PARP4: variants seen among roughly 807,000 people sequenced by gnomAD.
PARP4 encodes the protein poly(ADP-ribose) polymerase family member 4, also known as protein mono-ADP-ribosyltransferase PARP4.
PARP4 carries 120 observed loss-of-function variants against 187.7 expected under a neutral mutation model. The ratio of observed to expected loss-of-function variants is 0.64; its 90% CI spans 0.55 to 0.74. PARP4 has a LOEUF of 0.74. Among genes scored for constraint, PARP4 ranks in the 30% least tolerant of loss-of-function variants. The pLI is 0.00. For synonymous variants in PARP4, 654 were observed against 740.9 expected (o/e 0.88, Z 1.90); for missense variants, 1,836 against 2,070.5 (o/e 0.89, Z 2.20).
chr13:24,490,704 A>G lies in PARP4; in HGVS notation c.1178T>C (p.Leu393Pro). 1 of 1,613,964 alleles carries G rather than the reference A, an allele frequency of 6.2e-7. No homozygotes were observed. The highest frequency in any genetic ancestry group is 8.5e-7 in the Non-Finnish European group (1 of 1,179,888). Residue 393 changes from leucine (L) to proline (P), a missense_variant, in exon 10 of 34, where the codon CTC (leucine) becomes CCC (proline). Coordinates refer to ENST00000381989, the MANE Select transcript of PARP4 (RefSeq NM_006437.4). ...CTGCAAAACCTCTTTTCTAACCCTG[A>G]GAAATTCTTCAGTATTCTGTTCAAC... ...EHVEQNTEEF[L>P]RVRKEVLQNH...
At chr13:24,484,013 G>A (rs1873421023) in intron 12 of PARP4, among the ~76,000 whole-genome samples, 1 of 152,144 alleles carries the variant, frequency 6.6e-6, no homozygotes, top group East Asian at 1.9e-4. Context: ...TTATTGATTT[G>A]TAGGAACTCT....
chr13:24,485,016 T>TA (rs1873480198), intron 11 of PARP4, among the ~76,000 whole-genome samples: 1 of 152,222 alleles, frequency 6.6e-6, no homozygotes, highest in African/African-American at 2.4e-5. Flanking sequence ...CATCCCTACT[T>TA]AAAGATTATT....
At position 24,469,982 on chromosome 13, in the gene PARP4, A is replaced by G. The variant is rs779676274; in HGVS notation, c.1958T>C (p.Ile653Thr). 3.1e-6 allele frequency: 5 copies of G among 1,613,852 alleles called. No individual in the cohort carries two copies. The highest frequency in any genetic ancestry group is 4.5e-5 in the East Asian group (2 of 44,882). Residue 653 changes from isoleucine (I) to threonine (T), a missense_variant, in exon 16 of 34, where the codon ATT becomes ACT. By Grantham distance (89) the Ile-to-Thr change is moderately conservative. Coordinates refer to ENST00000381989, the MANE Select transcript of PARP4 (RefSeq NM_006437.4). ...QTYTNKSHVP[I>T]EAKYIFPLDD... is the part of the protein sequence containing the mutation. The stretch of plus-strand genomic sequence containing the variant: ...CAAAGGAAAGATATATTTTGCCTCA[A>G]TGGGCACGTGACTTTTATTTGTGTA...
chr13:24,449,026 C>T (rs566110307), intron 25 of PARP4, among the ~76,000 whole-genome samples: 63 of 152,174 alleles, frequency 4.1e-4, no homozygotes, highest in Non-Finnish European at 7.2e-4. Flanking sequence ...GCTGATGAAA[C>T]AGTTTGAAGA....
rs1306014184 is a variant in PARP4, at chr13:24,449,378, ACT to A, written c.3114+338_3114+339del. ...ACTCCAGCCTGGGCGACAGAGCAAG[ACT>A]CTGTCTCAAAAAAAAAAAAAAAAAA... On this transcript the variant is annotated intron_variant, in intron 25 of 33. Coordinates refer to ENST00000381989, the MANE Select transcript of PARP4 (RefSeq NM_006437.4). 7.4e-5 allele frequency among the ~76,000 whole-genome samples: 7 copies of A among 94,890 alleles called. No individual in the cohort carries two copies. In the South Asian group the frequency reaches 1.7e-3, roughly 23 times the overall value. 62.3% of individuals were successfully genotyped at this position (94,890 alleles called of 152,430 possible). A position where few individuals can be genotyped will look rare whatever the true frequency, so the allele number is the denominator to read the frequency against.
chr13:24,451,669 G>A (rs1047337867), intron 24 of PARP4, among the ~76,000 whole-genome samples: 5 of 152,134 alleles, frequency 3.3e-5, no homozygotes, highest in African/African-American at 9.7e-5. Flanking sequence ...ACTTGCTGAG[G>A]TGGTGGCCAC....
Position 24,440,359 on chromosome 13 carries a change from C to T in PARP4, c.3666+1487G>A, listed in dbSNP as rs369944719. Among the ~76,000 whole-genome samples the T allele has an allele frequency of 5.7e-5, 8 of 140,530 alleles. No individual in the cohort carries two copies. The East Asian group carries it at 8.4e-4, about 15-fold the overall frequency. The allele number at this position is 140,530 out of a possible 152,430, so 92.2% of individuals were successfully genotyped here. On this transcript the variant is annotated intron_variant, in intron 30 of 33. Coordinates refer to ENST00000381989, the MANE Select transcript of PARP4 (RefSeq NM_006437.4). ...GTTGCAGTGAATTGAGATCATGCCA[C>T]TGCACTCAACCCTGGGCGACAGAGC...
chr13:24,455,165 G>C lies in PARP4; in HGVS notation c.2610C>G (p.Asp870Glu). Residue 870 changes from aspartate (D) to glutamate (E), a missense_variant, in exon 22 of 34, where the codon GAC (aspartate) becomes GAG (glutamate). Physicochemically the swap from Asp to Glu is conservative, Grantham distance 45. This residue lies in a region of PARP4 where 1,147 missense variants were observed against 1,214.2 expected (regional missense o/e 0.94). Coordinates refer to ENST00000381989, the MANE Select transcript of PARP4 (RefSeq NM_006437.4). ...TAATCACTTCGCTCTCACTGGCTAG[G>C]TCAGGGAGGTCGACATCGAGATCGG... ...FQPDLDVDLP[D>E]LASESEVIIC... The C allele has an allele frequency of 6.2e-7, 1 of 1,603,442 alleles. No homozygotes were observed. Among genetic ancestry groups the C allele is most frequent in the Non-Finnish European group, 8.5e-7 (1 of 1,171,412 alleles).
rs1020105646 is a variant in PARP4, at chr13:24,434,832, G to A, written c.4309C>T (p.Leu1437Phe). The stretch of plus-strand genomic sequence containing the variant: ...GGGTCTGTAGGAAGAGAGAAATGAA[G>A]CTGGGGAGAATCCAGCTCAGGGAAG... The part of the protein sequence containing the change: ...GTFPELDSPQ[L>F]HFSLPTDPDP... The change falls in exon 31 of 34, where the codon CTT becomes TTT. Residue 1437 changes from leucine to phenylalanine, a missense_variant. Leu to Phe is a conservative substitution (Grantham distance 22). Around this residue, in one of 8 missense-constraint regions of PARP4, gnomAD observed 450 missense variants for 439.2 expected, o/e 1.02. Transcript: ENST00000381989. 2 of 1,611,658 alleles carry A rather than the reference G, an allele frequency of 1.2e-6. No homozygotes were observed. Among genetic ancestry groups the A allele is most frequent in the African/African-American group, 2.7e-5 (2 of 74,882 alleles).
intron 6 of PARP4, 96 bp from the exon 7 acceptor site, chr13:24,494,818 C>T (rs1290527967): frequency 4.0e-6 from 3 of 745,004 alleles, no homozygotes; most frequent in Non-Finnish European, 6.4e-6. Flanking sequence ...CATGAAGAAG[C>T]TTAGAAATTA....
chr13:24,442,230 G>C lies in PARP4; in HGVS notation c.3544-262C>G, dbSNP rs1870968315. Among the ~76,000 whole-genome samples the C allele has an allele frequency of 2.7e-5, 4 of 150,428 alleles. No individual in the cohort carries two copies. The South Asian group carries it at 8.4e-4, about 31-fold the overall frequency. Reference sequence around the variant, plus strand: ...CTTATGAAGGGGAAGGGCTCTCAGGGAACCCAGGCCTTTTCGGCCTTTTCT... The same window carrying C: ...CTTATGAAGGGGAAGGGCTCTCAGGCAACCCAGGCCTTTTCGGCCTTTTCT... On this transcript the variant is annotated intron_variant, in intron 29 of 33. Coordinates refer to ENST00000381989, the MANE Select transcript of PARP4 (RefSeq NM_006437.4).
At chr13:24,433,153 G>C (rs1187684388) in intron 31 of PARP4, among the ~76,000 whole-genome samples, 11 of 152,180 alleles carry the variant, frequency 7.2e-5, no homozygotes, top group African/African-American at 2.7e-4. Context: ...GCCTTCCTAG[G>C]CTCCTGTTCC....
rs141582361 is a variant in PARP4, at chr13:24,422,454, C to T, written c.4980-1140G>A. On this transcript the variant is annotated intron_variant, in intron 33 of 33. Coordinates refer to ENST00000381989, the MANE Select transcript of PARP4 (RefSeq NM_006437.4). ...ACAAAACTGGCTTTGAATATTTTTACTGATTGGCCTCTACACTTTTTGGTT... is the reference window on the plus strand; with the variant it reads ...ACAAAACTGGCTTTGAATATTTTTATTGATTGGCCTCTACACTTTTTGGTT... Among the ~76,000 whole-genome samples, 879 of 152,272 alleles carry T rather than the reference C, an allele frequency of 5.8e-3. 10 individuals carry two copies. The highest frequency in any genetic ancestry group is 0.02 in the African/African-American group (851 of 41,528).
Position 24,506,103 on chromosome 13 carries a change from G to A in PARP4, c.-1-2326C>T, listed in dbSNP as rs565681413. 1.2e-3 allele frequency among the ~76,000 whole-genome samples: 182 copies of A among 152,258 alleles called. 2 individuals carry two copies. Among genetic ancestry groups the A allele is most frequent in the African/African-American group, 4.1e-3 (171 of 41,542 alleles). On this transcript the variant is annotated intron_variant, in intron 1 of 33. Transcript: ENST00000381989. The stretch of plus-strand genomic sequence containing the variant: ...CAAAAACGAAGCTGCCTGGACCCTC[G>A]TGGTGAGTGCTACAGTTCTTAAAGG...
intron 17 of PARP4, among the ~76,000 whole-genome samples, chr13:24,461,494 G>A (rs886236672): frequency 7.9e-5 from 12 of 152,248 alleles, no homozygotes; most frequent in Admixed American, 6.5e-4. Context: ...TCCAAAGAGG[G>A]GACAGATGGG....
chr13:24,471,152 G>A (rs553602967), intron 15 of PARP4, among the ~76,000 whole-genome samples: 196 of 152,340 alleles, frequency 1.3e-3, no homozygotes, highest in Non-Finnish European at 2.5e-3. Context: ...CCCCTTGACT[G>A]TGCACGGAAC....
intron 32 of PARP4, among the ~76,000 whole-genome samples, chr13:24,430,645 T>C (rs3845193): frequency 0.94 from 142,052 of 151,608 alleles, 66,689 homozygotes; most frequent in East Asian, 0.99. Flanking sequence ...GGGAGCCAGA[T>C]CTTGTCTCAA....
rs114383024 is a variant in PARP4 at position 24,452,368 on chromosome 13, G to A, written c.3014+38C>T. The A allele has an allele frequency of 1.5e-3, 2,345 of 1,534,640 alleles. 34 individuals are homozygous for A. The African/African-American group carries it at 0.025, about 16-fold the overall frequency. The stretch of plus-strand genomic sequence containing the variant: ...TGCAGGGCAACAAGACGACCTCCCC[G>A]TGGGTCTGGACTATGTGACCAGCTC... On this transcript the variant is annotated intron_variant, in intron 24 of 33. Transcript: ENST00000381989.
rs528290817 is a variant in PARP4, at chr13:24,488,935, A to G, written c.1214+1733T>C. ...ATATGTGGCTTCTTTCACTCAGCGT[A>G]ATATTTTTGAGGTTCACCCATTTGT... is the stretch of plus-strand genomic sequence containing the variant. On this transcript the variant is annotated intron_variant, in intron 10 of 33. Transcript: ENST00000381989. Among the ~76,000 whole-genome samples the G allele has an allele frequency of 3.9e-5, 6 of 152,318 alleles. No homozygotes were observed. In the South Asian group the frequency reaches 6.2e-4, roughly 16 times the overall value.
Sources: gnomAD v4.1 joint callset for allele counts (sites outside exome capture counted in the v4.1 genomes callset) on GRCh38, gnomAD v4.1.1 for gene constraint, gnomAD v4.1.1 regional missense constraint, MANE v1.5 for transcripts, NCBI Gene and HGNC (gene_info 2026-07-23, HGNC 2026-07-21) for gene names.